KHDRBS2: variants seen among roughly 807,000 people sequenced by gnomAD.
KHDRBS2 encodes the protein KH domain-containing, RNA-binding, signal transduction-associated protein 2.
A neutral mutation model predicts 44.3 loss-of-function variants in KHDRBS2; 26 were observed. The observed-to-expected ratio is 0.59, with a 90% CI of 0.43 to 0.81. The LOEUF is 0.81. Among genes scored for constraint, KHDRBS2 ranks in the 40% least tolerant of loss-of-function variants. The pLI is 0.00. For missense variants in KHDRBS2, 476 were observed against 433.1 expected (o/e 1.10, Z -0.88); for synonymous variants, 194 against 151.1 (o/e 1.28, Z -2.08).
chr6:61,788,573 G>A (rs1243230523), intron 6 of KHDRBS2, among the ~76,000 whole-genome samples: 1 of 151,262 alleles, frequency 6.6e-6, no homozygotes, highest in Non-Finnish European at 1.5e-5. Context: ...TTATGTGAAT[G>A]TAATATTCCC....
At chr6:61,560,987 T>C in the KHDRBS2 span, among the ~76,000 whole-genome samples, 1 of 152,168 alleles carries the variant, frequency 6.6e-6, no homozygotes, top group Non-Finnish European at 1.5e-5. Context: ...TCACAGGTAC[T>C]TGGGTGCTGT....
chr6:61,882,555 T>C (rs1303359342), intron 6 of KHDRBS2, among the ~76,000 whole-genome samples: 2 of 152,040 alleles, frequency 1.3e-5, no homozygotes, highest in Non-Finnish European at 2.9e-5. Context: ...CATGGTTTCA[T>C]ATAAAGGAAA....
chr6:61,830,537 G>T (rs1349895807), intron 6 of KHDRBS2, among the ~76,000 whole-genome samples: 1 of 152,196 alleles, frequency 6.6e-6, no homozygotes, highest in Non-Finnish European at 1.5e-5. Context: ...ATTGAATTCT[G>T]CAATTCTGCA....
At chr6:61,568,081 A>T in the KHDRBS2 span, among the ~76,000 whole-genome samples, 1 of 152,140 alleles carries the variant, frequency 6.6e-6, no homozygotes, top group African/African-American at 2.4e-5. Context: ...TCCAAGCACT[A>T]TTTATTGAAT....
chr6:62,090,266 A>G (rs1276118468), intron 2 of KHDRBS2, among the ~76,000 whole-genome samples: 1 of 152,214 alleles, frequency 6.6e-6, no homozygotes, highest in Non-Finnish European at 1.5e-5. Flanking sequence ...GAAATTTTTA[A>G]TGGGATTTAT....
the KHDRBS2 span, among the ~76,000 whole-genome samples, chr6:61,628,979 T>C: frequency 2.0e-5 from 3 of 152,206 alleles, no homozygotes; most frequent in Non-Finnish European, 4.4e-5. Context: ...AAGTCTGATC[T>C]GTAAAAACAA....
the KHDRBS2 span, among the ~76,000 whole-genome samples, chr6:61,610,749 T>G: frequency 6.6e-6 from 1 of 152,194 alleles, no homozygotes; most frequent in African/African-American, 2.4e-5. Flanking sequence ...ACAGTGTTTT[T>G]AAAAGCTAAA....
chr6:61,936,399 C>T (rs561356727), intron 4 of KHDRBS2, among the ~76,000 whole-genome samples: 1 of 152,088 alleles, frequency 6.6e-6, no homozygotes, highest in East Asian at 1.9e-4. Flanking sequence ...CCTGAATAGG[C>T]TTGTACTTTA....
chr6:62,233,514 G>A (rs553732517), intron 1 of KHDRBS2, among the ~76,000 whole-genome samples: 1 of 152,070 alleles, frequency 6.6e-6, no homozygotes, highest in Non-Finnish European at 1.5e-5. Context: ...TTGAGTTCAG[G>A]ATACATGTGC....
At chr6:62,027,566 A>C (rs578106273) in intron 3 of KHDRBS2, among the ~76,000 whole-genome samples, 1 of 152,200 alleles carries the variant, frequency 6.6e-6, no homozygotes, top group South Asian at 2.1e-4. Context: ...TTGCCAGGGT[A>C]ATTTATCATG....
chr6:61,805,781 C>T (rs148671435), intron 6 of KHDRBS2, among the ~76,000 whole-genome samples: 151 of 152,268 alleles, frequency 9.9e-4, no homozygotes, highest in African/African-American at 3.3e-3. Flanking sequence ...TGGGAACAAC[C>T]TCTATGATCT....
chr6:61,896,383 G>T (rs540818393), intron 5 of KHDRBS2, among the ~76,000 whole-genome samples: 21 of 152,118 alleles, frequency 1.4e-4, no homozygotes, highest in Admixed American at 2.6e-4. Context: ...GCTTAAGATA[G>T]ATATTTTTTT....
At chr6:62,106,701 C>A (rs562850847) in intron 2 of KHDRBS2, among the ~76,000 whole-genome samples, 57 of 152,234 alleles carry the variant, frequency 3.7e-4, no homozygotes, top group African/African-American at 1.4e-3. Flanking sequence ...CAATAAAATA[C>A]TGGCAAACGG....
At chr6:62,194,446 T>G (rs1352163173) in intron 1 of KHDRBS2, among the ~76,000 whole-genome samples, 2 of 148,634 alleles carry the variant, frequency 1.3e-5, no homozygotes, top group African/African-American at 2.5e-5. Context: ...TGTCCTTATG[T>G]CCACACTACA....
chr6:62,186,155 T>A (rs115090068), intron 1 of KHDRBS2, among the ~76,000 whole-genome samples: 44 of 152,200 alleles, frequency 2.9e-4, no homozygotes, highest in Non-Finnish European at 5.2e-4. Flanking sequence ...TCTAAGCCTT[T>A]TCTATGTATT....
At chr6:61,730,096 AATTAGTGCATGTACTC>A (rs1258706324) in intron 7 of KHDRBS2, among the ~76,000 whole-genome samples, 1 of 152,186 alleles carries the variant, frequency 6.6e-6, no homozygotes, top group African/African-American at 2.4e-5. Flanking sequence ...ATAGTTTACT[AATTAGTGCATGTACTC>A]ATTTTCATTT....
At chr6:61,697,733 T>C (rs1250470253) in intron 7 of KHDRBS2, among the ~76,000 whole-genome samples, 1 of 152,136 alleles carries the variant, frequency 6.6e-6, no homozygotes, top group African/African-American at 2.4e-5. Context: ...TATAAGCTAT[T>C]TTGTTTCACT....
chr6:62,132,436 G>T (rs1810542256), intron 2 of KHDRBS2, among the ~76,000 whole-genome samples: 1 of 152,124 alleles, frequency 6.6e-6, no homozygotes, highest in South Asian at 2.1e-4. Flanking sequence ...CAGCCCCACT[G>T]AATCAGAAAT....
intron 6 of KHDRBS2, among the ~76,000 whole-genome samples, chr6:61,800,329 A>G (rs1786059959): frequency 6.6e-6 from 1 of 152,162 alleles, no homozygotes; most frequent in African/African-American, 2.4e-5. Context: ...CTAAAAATAT[A>G]TTTGAATGGC....
Sources: gnomAD v4.1 joint callset for allele counts (sites outside exome capture counted in the v4.1 genomes callset) on GRCh38, gnomAD v4.1.1 for gene constraint, MANE v1.5 for transcripts, NCBI Gene and HGNC (gene_info 2026-07-23, HGNC 2026-07-21) for gene names.